IFRD1: variants seen among roughly 807,000 people sequenced by gnomAD.
IFRD1 encodes interferon related developmental regulator 1, also known as interferon-related developmental regulator 1.
A neutral mutation model predicts 52.9 loss-of-function variants in IFRD1; 35 were observed. The observed-to-expected ratio is 0.66, with a 90% confidence interval of 0.51 to 0.88. The LOEUF (loss-of-function observed/expected upper bound fraction) is 0.88, where lower values mean the gene tolerates loss of function less well. Among genes scored for constraint, IFRD1 ranks in the 40% least tolerant of loss-of-function variants. IFRD1 has a pLI of 0.00. For synonymous variants in IFRD1, 184 were observed against 188.4 expected (o/e 0.98, Z 0.19); for missense variants, 517 against 550.8 (o/e 0.94, Z 0.61).
intron 1 of IFRD1, among the ~76,000 whole-genome samples, chr7:112,427,359 G>T (rs1387403643): frequency 6.6e-6 from 1 of 152,228 alleles, no homozygotes; most frequent in African/African-American, 2.4e-5. Context: ...GGAAGCAATT[G>T]CTGTTAAGGT....
intron 3 of IFRD1, 91 bp downstream of exon 3, chr7:112,456,177 C>CA (rs1290722578): frequency 2.5e-6 from 2 of 792,730 alleles, no homozygotes; most frequent in Non-Finnish European, 4.5e-6. Flanking sequence ...TGATTCTAAT[C>CA]AGTTACCTTA....
intron 9 of IFRD1, among the ~76,000 whole-genome samples, chr7:112,469,657 A>G (rs540589810): frequency 3.9e-5 from 6 of 152,140 alleles, no homozygotes; most frequent in Admixed American, 3.9e-4. Flanking sequence ...ATCCCCTTTG[A>G]GTAGTAGATT....
At chr7:112,465,223 T>C (rs1291628996) in intron 8 of IFRD1, among the ~76,000 whole-genome samples, 1 of 152,160 alleles carries the variant, frequency 6.6e-6, no homozygotes, top group Admixed American at 6.5e-5. Context: ...AATATTAGGC[T>C]TTTGTATGAT....
chr7:112,474,960 A>AT (rs1266815729), intron 11 of IFRD1, among the ~76,000 whole-genome samples: 13 of 118,016 alleles, frequency 1.1e-4, no homozygotes, highest in Non-Finnish European at 2.0e-4. Flanking sequence ...TTAACTCTTT[A>AT]TTTATTTATT....
intron 8 of IFRD1, among the ~76,000 whole-genome samples, chr7:112,464,281 T>C (rs969276396): frequency 2.0e-5 from 3 of 152,106 alleles, no homozygotes; most frequent in African/African-American, 7.2e-5. Flanking sequence ...AAAAAACTTT[T>C]GAAGAGCTAA....
intron 1 of IFRD1, among the ~76,000 whole-genome samples, chr7:112,428,047 A>C (rs1563254316): frequency 6.6e-6 from 1 of 152,150 alleles, no homozygotes; most frequent in Non-Finnish European, 1.5e-5. Context: ...TGGTAAAGAG[A>C]GTTTAGAAGG....
At chr7:112,454,745 A>G (rs747089100) in intron 1 of IFRD1, among the ~76,000 whole-genome samples, 3 of 149,050 alleles carry the variant, frequency 2.0e-5, no homozygotes, top group Non-Finnish European at 3.0e-5. Flanking sequence ...TGGAAAATAT[A>G]TTTGTCTTAT....
At position 112,444,598 on chromosome 7, in the gene IFRD1, G is replaced by C. The variant is rs1003153636; in HGVS notation, c.-181-5910G>C. Among the ~76,000 whole-genome samples the C allele has an allele frequency of 1.3e-5, 2 of 152,050 alleles. 1 individual carries two copies. The highest frequency in any genetic ancestry group is 4.1e-4 in the South Asian group (2 of 4,826). On this transcript the variant is annotated intron_variant, in intron 1 of 12. Coordinates refer to the IFRD1 transcript ENST00000005558. ...TTCTGCTAAAGCTTTAGAAATATCA[G>C]AAAAAACTTACACTGGCAAACATTC...
upstream of IFRD1, among the ~76,000 whole-genome samples, chr7:112,445,850 C>T (rs1057024025): frequency 2.0e-5 from 3 of 152,042 alleles, no homozygotes; most frequent in Non-Finnish European, 4.4e-5. Flanking sequence ...GCTTGTATCT[C>T]ATGTCTGAGG....
chr7:112,459,099 A>G, intron 5 of IFRD1, 81 bp downstream of exon 5: 1 of 1,197,250 alleles, frequency 8.4e-7, no homozygotes, highest in Non-Finnish European at 1.2e-6. Context: ...TGTACCAGCT[A>G]CTCAAGAGGC....
chr7:112,448,126 TAAAAAAAA>T (rs33983901), upstream of IFRD1, among the ~76,000 whole-genome samples: 2 of 132,964 alleles, frequency 1.5e-5, no homozygotes, highest in East Asian at 2.1e-4. Context: ...CCTGTAGATT[TAAAAAAAA>T]AAAAAAAAGA....
Position 112,472,836 on chromosome 7 carries a change from C to A in IFRD1, c.1241C>A (p.Thr414Lys). The change falls in exon 11 of 12, where the codon ACG becomes AAG. Residue 414 changes from threonine to lysine, a missense_variant. Transcript: ENST00000403825. ...ATGCTTGATGCTGCAACGCTTAAAA[C>A]GATGAAGATTTCTCGTTTCGAAAGG... Reference protein sequence around the residue: ...PVMLDAATLKTMKISRFERHL... With the variant: ...PVMLDAATLKKMKISRFERHL... 6.2e-7 allele frequency: 1 copy of A among 1,612,756 alleles called. No individual in the cohort carries two copies. The highest frequency in any genetic ancestry group is 8.5e-7 in the Non-Finnish European group (1 of 1,178,800).
chr7:112,451,264 T>G, intron 1 of IFRD1: 1 of 165,058 alleles, frequency 6.1e-6, no homozygotes. Context: ...TCACGCGGCC[T>G]GGGCCTTGCG....
At chr7:112,452,099 G>T in intron 1 of IFRD1, 1 of 982,826 alleles carries the variant, frequency 1.0e-6, no homozygotes, top group Non-Finnish European at 1.2e-6. Context: ...TCTTTATCAA[G>T]ATGTAAAATA....
chr7:112,470,596 G>A (rs372321429), intron 9 of IFRD1, among the ~76,000 whole-genome samples: 2 of 152,166 alleles, frequency 1.3e-5, no homozygotes, highest in East Asian at 3.8e-4. Context: ...TATGGAGAAG[G>A]AACCTGTGGA....
At chr7:112,453,865 C>G (rs573636341) in intron 1 of IFRD1, among the ~76,000 whole-genome samples, 4 of 151,626 alleles carry the variant, frequency 2.6e-5, no homozygotes, top group South Asian at 4.2e-4. Context: ...AAGACAACTC[C>G]GTTAAAAAAA....
At chr7:112,456,115 G>T (rs201266306) in intron 3 of IFRD1, 29 bp downstream of exon 3, 3 of 1,204,004 alleles carry the variant, frequency 2.5e-6, no homozygotes, top group Non-Finnish European at 3.7e-6. Flanking sequence ...TCCATTCTGT[G>T]TGAGTCTATG....
chr7:112,437,732 A>G (rs1309010681), intron 1 of IFRD1, among the ~76,000 whole-genome samples: 2 of 151,440 alleles, frequency 1.3e-5, no homozygotes, highest in Non-Finnish European at 2.9e-5. Flanking sequence ...TGGGGGCTGG[A>G]AAGTCTTCAT....
chr7:112,475,461 G>A lies in IFRD1; in HGVS notation c.1298G>A (p.Arg433Gln), dbSNP rs1250996142. Reference protein sequence around the residue: ...HLYNSAAFKARTKARSKCRDK... With the variant: ...HLYNSAAFKAQTKARSKCRDK... ...TATAACTCTGCAGCCTTCAAAGCTC[G>A]AACCAAAGCTAGAAGCAAATGTCGA... Residue 433 changes from arginine (R) to glutamine (Q), a missense_variant, in exon 12 of 12, where the codon CGA (arginine) becomes CAA (glutamine). Arg to Gln is a conservative substitution (Grantham distance 43). Coordinates refer to ENST00000403825, the MANE Select transcript of IFRD1 (RefSeq NM_001550.4). 9 of 1,612,060 alleles carry A rather than the reference G, an allele frequency of 5.6e-6. No homozygotes were observed. The highest frequency in any genetic ancestry group is 2.2e-5 in the South Asian group (2 of 90,874).
Sources: allele counts gnomAD v4.1 joint callset (sites outside exome capture counted in the v4.1 genomes callset), GRCh38; gene constraint gnomAD v4.1.1; transcripts MANE v1.5; gene names NCBI Gene and HGNC (gene_info 2026-07-23, HGNC 2026-07-21).